Variants in POPDC1 observed in about 807,000 individuals in gnomAD.
POPDC1 encodes popeye domain cAMP effector 1.
the POPDC1 span, among the ~76,000 whole-genome samples, chr6:105,126,213 C>T: frequency 7.3e-6 from 1 of 137,590 alleles, no homozygotes; most frequent in Admixed American, 7.6e-5. Context: ...GCAACAAGAG[C>T]GAAACTCGGT....
chr6:105,110,223 G>A, the POPDC1 span, among the ~76,000 whole-genome samples: 23 of 145,752 alleles, frequency 1.6e-4, no homozygotes, highest in South Asian at 4.6e-3. Context: ...TGGTCAGGAT[G>A]TGTCAGCTGC....
At chr6:105,124,747 G>T in the POPDC1 span, 1 of 932,118 alleles carries the variant, frequency 1.1e-6, no homozygotes, top group Non-Finnish European at 1.7e-6. Flanking sequence ...ATTTTATTTT[G>T]TAGTACAGTT....
the POPDC1 span, among the ~76,000 whole-genome samples, chr6:105,126,238 A>AAT: frequency 6.6e-6 from 1 of 151,632 alleles, no homozygotes; most frequent in African/African-American, 2.4e-5. Flanking sequence ...AAAAAAAATA[A>AAT]AAATAAAAAT....
chr6:105,137,066 G>A, the POPDC1 span: 1 of 151,978 alleles, frequency 6.6e-6, no homozygotes, highest in Non-Finnish European at 1.5e-5. Context: ...TCAGCTGCTC[G>A]ACGGGAGCCC....
the POPDC1 span, among the ~76,000 whole-genome samples, chr6:105,135,981 T>C: frequency 6.6e-6 from 1 of 152,224 alleles, no homozygotes; most frequent in Non-Finnish European, 1.5e-5. Flanking sequence ...TCATCAAAGT[T>C]GAAGTCCTTA....
the POPDC1 span, chr6:105,098,750 G>A: frequency 6.6e-6 from 1 of 152,216 alleles, no homozygotes; most frequent in South Asian, 2.1e-4. Context: ...GCACGAGAGA[G>A]TTCAACCTGA....
chr6:105,129,609 A>G, the POPDC1 span: 2 of 1,159,222 alleles, frequency 1.7e-6, no homozygotes, highest in Non-Finnish European at 2.4e-6. Flanking sequence ...CCTTTTCTGA[A>G]GGTGATACTT....
the POPDC1 span, among the ~76,000 whole-genome samples, chr6:105,115,133 C>T: frequency 3.3e-5 from 5 of 152,382 alleles, 1 homozygote; most frequent in Middle Eastern, 0.014. Flanking sequence ...GTCGCCCAGG[C>T]TGGAGTGCAG....
chr6:105,110,275 T>C, the POPDC1 span, among the ~76,000 whole-genome samples: 1 of 152,182 alleles, frequency 6.6e-6, no homozygotes, highest in East Asian at 1.9e-4. Context: ...TATGCTCACA[T>C]TGATCTCCCT....
chr6:105,105,491 G>A, the POPDC1 span, among the ~76,000 whole-genome samples: 1 of 152,222 alleles, frequency 6.6e-6, no homozygotes, highest in Non-Finnish European at 1.5e-5. Context: ...CAGCTTTGAG[G>A]AGTGAGGGGC....
the POPDC1 span, among the ~76,000 whole-genome samples, chr6:105,101,403 G>C: frequency 3.3e-5 from 5 of 152,124 alleles, no homozygotes; most frequent in African/African-American, 1.2e-4. Flanking sequence ...AAGTCAAGAA[G>C]AGACTCTCAG....
chr6:105,119,894 T>C, the POPDC1 span, among the ~76,000 whole-genome samples: 13 of 152,240 alleles, frequency 8.5e-5, no homozygotes, highest in African/African-American at 2.9e-4. Flanking sequence ...TAAGTTATTA[T>C]TGAATATAAA....
At chr6:105,106,723 G>A in the POPDC1 span, among the ~76,000 whole-genome samples, 3 of 152,286 alleles carry the variant, frequency 2.0e-5, no homozygotes, top group Admixed American at 6.5e-5. Context: ...CATGGAGGGC[G>A]GGCTTGGGCT....
the POPDC1 span, chr6:105,136,331 C>CA: frequency 6.6e-6 from 1 of 152,234 alleles, no homozygotes. Flanking sequence ...CTCGGGTCCC[C>CA]AGCCATCGGC....
chr6:105,116,639 A>G, the POPDC1 span: 2 of 1,362,738 alleles, frequency 1.5e-6, no homozygotes, highest in Non-Finnish European at 2.0e-6. Context: ...AACATATTTC[A>G]TAAAGTGAAA....
the POPDC1 span, among the ~76,000 whole-genome samples, chr6:105,134,798 T>C: frequency 1.3e-5 from 2 of 152,320 alleles, no homozygotes; most frequent in East Asian, 1.9e-4. Flanking sequence ...AATTCTGAAA[T>C]AGCTCATAAA....
At chr6:105,105,361 G>A in the POPDC1 span, among the ~76,000 whole-genome samples, 23,540 of 152,150 alleles carry the variant, frequency 0.15, 4,443 homozygotes, top group African/African-American at 0.45. Flanking sequence ...CTTTGTACCA[G>A]CCCCAGTTAG....
the POPDC1 span, among the ~76,000 whole-genome samples, chr6:105,107,431 GA>G: frequency 7.9e-5 from 12 of 152,232 alleles, no homozygotes; most frequent in Non-Finnish European, 1.6e-4. Context: ...AAAGTAAACA[GA>G]CATATTTGTT....
the POPDC1 span, chr6:105,117,020 C>T: frequency 1.2e-5 from 9 of 757,612 alleles, no homozygotes; most frequent in Non-Finnish European, 1.8e-5. Context: ...TGCACACAAG[C>T]TTCTACACGT....
Sources: allele counts gnomAD v4.1 joint callset (sites outside exome capture counted in the v4.1 genomes callset), GRCh38; gene constraint gnomAD v4.1.1; transcripts MANE v1.5; gene names NCBI Gene and HGNC (gene_info 2026-07-23, HGNC 2026-07-21).